MIR2052HG: variants seen among roughly 807,000 people sequenced by gnomAD.
MIR2052HG encodes MIR2052 host gene.
intron 2 of MIR2052HG, among the ~76,000 whole-genome samples, chr8:74,669,408 C>T (rs1252335528): frequency 6.6e-6 from 1 of 152,170 alleles, no homozygotes; most frequent in Non-Finnish European, 1.5e-5. Flanking sequence ...GGCATATGCC[C>T]ATAAGTCTCC....
At chr8:74,705,913 T>C (rs1187052536) in intron 4 of MIR2052HG, among the ~76,000 whole-genome samples, 1 of 152,084 alleles carries the variant, frequency 6.6e-6, no homozygotes, top group South Asian at 2.1e-4. Flanking sequence ...AAATATCATA[T>C]GCTGTTTATA....
chr8:74,671,429 T>C (rs1365728412), intron 2 of MIR2052HG, among the ~76,000 whole-genome samples: 1 of 152,084 alleles, frequency 6.6e-6, no homozygotes, highest in African/African-American at 2.4e-5. Flanking sequence ...GCAAGTCTAA[T>C]TCTGGTCTTA....
At chr8:74,656,639 C>G (rs1234636502) in intron 2 of MIR2052HG, among the ~76,000 whole-genome samples, 2 of 152,110 alleles carry the variant, frequency 1.3e-5, no homozygotes, top group East Asian at 3.9e-4. Context: ...TTGGGTATGT[C>G]TTTATCAGCA....
At chr8:74,678,233 A>AT (rs1809076013) in intron 2 of MIR2052HG, among the ~76,000 whole-genome samples, 1 of 152,194 alleles carries the variant, frequency 6.6e-6, no homozygotes, top group Non-Finnish European at 1.5e-5. Context: ...TTAAGATACA[A>AT]TAATTCTCAC....
intron 2 of MIR2052HG, among the ~76,000 whole-genome samples, chr8:74,631,057 C>T (rs1287684145): frequency 3.3e-5 from 5 of 152,204 alleles, no homozygotes; most frequent in African/African-American, 2.4e-5. Context: ...TAGGGTTTCT[C>T]TGAGTTATGG....
At chr8:74,671,010 G>A (rs1484470937) in intron 2 of MIR2052HG, among the ~76,000 whole-genome samples, 2 of 151,256 alleles carry the variant, frequency 1.3e-5, no homozygotes, top group Non-Finnish European at 2.9e-5. Context: ...CAGATTTTAT[G>A]AATCACTTTC....
At chr8:74,678,116 G>A (rs528287541) in intron 2 of MIR2052HG, among the ~76,000 whole-genome samples, 13 of 152,250 alleles carry the variant, frequency 8.5e-5, no homozygotes, top group African/African-American at 2.9e-4. Flanking sequence ...ATAATAATTT[G>A]AATTGCCCTA....
intron 2 of MIR2052HG, among the ~76,000 whole-genome samples, chr8:74,613,497 T>C (rs1808230326): frequency 6.6e-6 from 1 of 152,288 alleles, no homozygotes; most frequent in Admixed American, 6.5e-5. Flanking sequence ...CATTTTTTTT[T>C]CACCCGAGAC....
intron 2 of MIR2052HG, among the ~76,000 whole-genome samples, chr8:74,682,268 A>G (rs1272089183): frequency 1.3e-5 from 2 of 152,212 alleles, no homozygotes; most frequent in Non-Finnish European, 2.9e-5. Context: ...TTAATGAGGC[A>G]TAAAATCACT....
intron 2 of MIR2052HG, among the ~76,000 whole-genome samples, chr8:74,648,544 C>G (rs929383405): frequency 2.0e-4 from 30 of 152,134 alleles, no homozygotes; most frequent in Admixed American, 2.0e-3. Context: ...CACTCCCCAG[C>G]AAAAACTTGC....
At position 74,602,864 on chromosome 8, in the gene MIR2052HG, TC is replaced by T. The variant is rs2128730196; in HGVS notation, n.128+2957del. The stretch of plus-strand genomic sequence containing the variant: ...TTCTTTCTTTCTTTCTTTCTTTCTT[TC>T]TTTCTTTCTTTTTTCTATTCACAAA... On this transcript the variant is annotated intron_variant and non_coding_transcript_variant, in intron 1 of 6. Transcript: ENST00000523442. Among the ~76,000 whole-genome samples the T allele has an allele frequency of 2.1e-5, 3 of 143,746 alleles. 1 individual carries two copies. Among genetic ancestry groups the T allele is most frequent in the African/African-American group, 7.7e-5 (3 of 38,864 alleles). The allele number at this position is 143,746 out of a possible 152,430, so 94.3% of individuals were successfully genotyped here.
intron 4 of MIR2052HG, among the ~76,000 whole-genome samples, chr8:74,733,078 A>G (rs1045949864): frequency 4.0e-5 from 6 of 151,220 alleles, no homozygotes; most frequent in African/African-American, 1.5e-4. Flanking sequence ...TTATTTATTT[A>G]TTTATTTATT....
intron 2 of MIR2052HG, among the ~76,000 whole-genome samples, chr8:74,623,471 TAGGC>T (rs1351924988): frequency 6.6e-6 from 1 of 152,196 alleles, no homozygotes; most frequent in Non-Finnish European, 1.5e-5. Flanking sequence ...ACTGAGCAGA[TAGGC>T]AGGAACGTCA....
At chr8:74,636,099 AG>A (rs1808578574) in intron 2 of MIR2052HG, among the ~76,000 whole-genome samples, 1 of 152,082 alleles carries the variant, frequency 6.6e-6, no homozygotes, top group Admixed American at 6.6e-5. Context: ...TCTTTCCATG[AG>A]GGGTGAGACA....
intron 2 of MIR2052HG, among the ~76,000 whole-genome samples, chr8:74,697,011 A>C (rs1809304759): frequency 6.6e-6 from 1 of 152,082 alleles, no homozygotes; most frequent in African/African-American, 2.4e-5. Context: ...CAAAACCAGG[A>C]AAGGACATAA....
chr8:74,603,746 A>C, intron 1 of MIR2052HG: 1 of 850,722 alleles, frequency 1.2e-6, no homozygotes, highest in Non-Finnish European at 2.1e-6. Context: ...GGGGACTCCA[A>C]CATGACCACA....
chr8:74,751,180 T>C (rs1289627322), intron 4 of MIR2052HG, among the ~76,000 whole-genome samples: 1 of 152,226 alleles, frequency 6.6e-6, no homozygotes, highest in Non-Finnish European at 1.5e-5. Flanking sequence ...ATGTCCTAGC[T>C]GGGCTTGAAC....
In MIR2052HG at chr8:74,644,648, T is replaced by TG. The variant is rs561268577; in HGVS notation, n.216+31714dup. Among the ~76,000 whole-genome samples the TG allele has an allele frequency of 6.8e-4, 103 of 152,184 alleles. No homozygotes were observed. The Middle Eastern group carries it at 0.014, about 20-fold the overall frequency. On this transcript the variant is annotated intron_variant and non_coding_transcript_variant, in intron 2 of 6. Transcript: ENST00000523442. ...GCTCACGCCTACAATCCTAGCACTT[T>TG]GGGGGGCTGAGGCAGGTGAATTACT...
chr8:74,704,680 A>G (rs1809391920), intron 4 of MIR2052HG, among the ~76,000 whole-genome samples: 1 of 152,026 alleles, frequency 6.6e-6, no homozygotes, highest in Non-Finnish European at 1.5e-5. Context: ...TACCTCAGTA[A>G]TCTCTCTCCT....
Sources: allele counts gnomAD v4.1 joint callset (sites outside exome capture counted in the v4.1 genomes callset), GRCh38; gene constraint gnomAD v4.1.1; transcripts MANE v1.5; gene names NCBI Gene and HGNC (gene_info 2026-07-23, HGNC 2026-07-21).